The following SCAPER variants were observed in gnomAD, a reference collection of about 807,000 sequenced individuals.
SCAPER encodes S phase cyclin A-associated protein in the endoplasmic reticulum.
In SCAPER, 98 loss-of-function variants were observed where a neutral mutation model predicts 182.2. The observed-to-expected ratio is 0.54, with a 90% CI of 0.46 to 0.64. The LOEUF (loss-of-function observed/expected upper bound fraction) is 0.64, where lower values mean the gene tolerates loss of function less well. Among genes scored for constraint, SCAPER ranks in the 30% least tolerant of loss-of-function variants. The pLI is 0.00. For missense variants in SCAPER, 1,432 were observed against 1,690.0 expected (o/e 0.85, Z 2.68); for synonymous variants, 605 against 564.6 (o/e 1.07, Z -1.01).
chr15:76,839,124 T>C (rs1181454747), intron 5 of SCAPER, among the ~76,000 whole-genome samples: 1 of 152,216 alleles, frequency 6.6e-6, no homozygotes, highest in Non-Finnish European at 1.5e-5. Flanking sequence ...GTATCTTCTT[T>C]TGATTACAAA....
At position 76,665,762 on chromosome 15, in the gene SCAPER, T is replaced by C. The variant is rs952606204; in HGVS notation, c.2536A>G (p.Ile846Val). The part of the protein sequence containing the change: ...VEHLSLKKYI[I>V]DIVVESTAPA... ...GCTGTACTTTCAACCACAATGTCAA[T>C]AATGTACTTCTTCAAGGAAAGATGC... The change falls in exon 21 of 32, where the codon ATT becomes GTT. Residue 846 changes from isoleucine to valine, a missense_variant. By Grantham distance (29) the Ile-to-Val change is conservative. Coordinates refer to ENST00000563290, the MANE Select transcript of SCAPER (RefSeq NM_020843.4). 1.3e-6 allele frequency: 2 copies of C among 1,539,470 alleles called. No homozygotes were observed. The highest frequency in any genetic ancestry group is 1.4e-5 in the African/African-American group (1 of 72,464).
chr15:76,774,758 T>C, intron 9 of SCAPER, 97 bp downstream of exon 9: 1 of 1,333,452 alleles, frequency 7.5e-7, no homozygotes, highest in Non-Finnish European at 1.0e-6. Context: ...ATTTTCACAG[T>C]AAGTTAAAAA....
chr15:76,406,409 T>C (rs2044834571), intron 26 of SCAPER, among the ~76,000 whole-genome samples: 1 of 151,790 alleles, frequency 6.6e-6, no homozygotes, highest in Non-Finnish European at 1.5e-5. Context: ...ACCCGGGAAG[T>C]CGAAGTTGCA....
chr15:76,756,243 CAAAAAAA>C (rs34158299), intron 14 of SCAPER, among the ~76,000 whole-genome samples: 2 of 66,020 alleles, frequency 3.0e-5, no homozygotes, highest in African/African-American at 1.4e-4. Flanking sequence ...GACTCCGTCT[CAAAAAAA>C]AAAAAAAAAA....
intron 21 of SCAPER, among the ~76,000 whole-genome samples, chr15:76,641,555 G>A (rs371874779): frequency 6.6e-5 from 10 of 152,120 alleles, no homozygotes; most frequent in Admixed American, 2.6e-4. Flanking sequence ...AGAGAGCCCC[G>A]ATGCATTGCG....
In SCAPER at chr15:76,868,134, TG is replaced by T. The variant is rs573250828; in HGVS notation, c.7-5602del. Among the ~76,000 whole-genome samples the T allele has an allele frequency of 6.0e-3, 908 of 152,324 alleles. 5 individuals are homozygous for T. Among genetic ancestry groups the T allele is most frequent in the African/African-American group, 0.021 (874 of 41,564 alleles). On this transcript the variant is annotated intron_variant, in intron 2 of 31. Transcript: ENST00000563290. ...GTGAACAAGAAATAAACTACTAATC[TG>T]TTGGTTCCCCTTCCAGTTATGAAAA...
At chr15:76,518,306 A>G (rs1045329665) in intron 23 of SCAPER, among the ~76,000 whole-genome samples, 33 of 152,156 alleles carry the variant, frequency 2.2e-4, no homozygotes, top group African/African-American at 8.0e-4. Context: ...TTCCAACTTC[A>G]GCAGAGATAC....
chr15:76,534,908 A>G (rs902837136), intron 23 of SCAPER, among the ~76,000 whole-genome samples: 1 of 152,168 alleles, frequency 6.6e-6, no homozygotes, highest in African/African-American at 2.4e-5. Flanking sequence ...TCCTGGGCTA[A>G]GAGCTTAATG....
chr15:76,696,401 C>T (rs992191051), intron 20 of SCAPER, among the ~76,000 whole-genome samples: 4 of 152,250 alleles, frequency 2.6e-5, no homozygotes, highest in Middle Eastern at 3.4e-3. Flanking sequence ...TGGTTGTAAA[C>T]ATCCAATAAA....
chr15:76,592,979 A>G lies in SCAPER; in HGVS notation c.2712-18695T>C, dbSNP rs1402122941. 2.5e-5 allele frequency among the ~76,000 whole-genome samples: 3 copies of G among 117,952 alleles called. 1 individual carries two copies. The highest frequency in any genetic ancestry group is 5.1e-5 in the African/African-American group (2 of 38,954). 77.4% of individuals were successfully genotyped at this position (117,952 alleles called of 152,430 possible). A position where few individuals can be genotyped will look rare whatever the true frequency, so the allele number is the denominator to read the frequency against. On this transcript the variant is annotated intron_variant, in intron 22 of 31. Coordinates refer to ENST00000563290, the MANE Select transcript of SCAPER (RefSeq NM_020843.4). ...GAACACCACCGAGACAGAACCATTC[A>G]TTACCCTGGAAAGGGGGCTGAAGCC...
intron 8 of SCAPER, chr15:76,793,256 T>C: frequency 9.6e-7 from 1 of 1,039,538 alleles, no homozygotes; most frequent in South Asian, 1.4e-5. Flanking sequence ...AAATATATAT[T>C]TGGTCTTCAT....
intron 1 of SCAPER, among the ~76,000 whole-genome samples, chr15:76,898,719 A>G (rs981689294): frequency 6.6e-6 from 1 of 152,318 alleles, no homozygotes; most frequent in East Asian, 1.9e-4. Context: ...AGTAGATGAG[A>G]GGGTGGCTGT....
intron 23 of SCAPER, among the ~76,000 whole-genome samples, chr15:76,564,042 A>C (rs2046844052): frequency 6.6e-6 from 1 of 152,196 alleles, no homozygotes; most frequent in Admixed American, 6.5e-5. Flanking sequence ...ATCTACGACA[A>C]ACCCACAGCC....
At chr15:76,711,980 G>C (rs937081998) in intron 17 of SCAPER, among the ~76,000 whole-genome samples, 7 of 152,088 alleles carry the variant, frequency 4.6e-5, no homozygotes, top group African/African-American at 1.7e-4. Flanking sequence ...TGTTGCCATT[G>C]CTTTTGGTGT....
intron 23 of SCAPER, among the ~76,000 whole-genome samples, chr15:76,566,154 A>T (rs1268182659): frequency 2.6e-5 from 4 of 152,194 alleles, no homozygotes; most frequent in Admixed American, 2.0e-4. Context: ...GAGCCTAGGC[A>T]TGTGTTACAT....
At chr15:76,578,291 G>A (rs891058928) in intron 22 of SCAPER, among the ~76,000 whole-genome samples, 4 of 152,136 alleles carry the variant, frequency 2.6e-5, no homozygotes, top group African/African-American at 7.2e-5. Context: ...TGCACTGAAC[G>A]GAAATACATA....
At chr15:76,412,510 T>G (rs2142231242) in intron 26 of SCAPER, among the ~76,000 whole-genome samples, 1 of 151,900 alleles carries the variant, frequency 6.6e-6, no homozygotes, top group Admixed American at 6.6e-5. Flanking sequence ...AATAGTGTAT[T>G]TTTTTTTCAA....
chr15:76,744,286 G>A (rs191480457), intron 15 of SCAPER, among the ~76,000 whole-genome samples: 103 of 152,176 alleles, frequency 6.8e-4, no homozygotes, highest in South Asian at 2.1e-3. Flanking sequence ...AAGTTGACAA[G>A]TAGGGCCTAA....
intron 24 of SCAPER, among the ~76,000 whole-genome samples, chr15:76,494,158 T>C (rs1597012402): frequency 6.6e-6 from 1 of 152,220 alleles, no homozygotes; most frequent in East Asian, 1.9e-4. Context: ...TCCAGTTCCA[T>C]GTCTTCATCT....
Sources: allele counts gnomAD v4.1 joint callset (sites outside exome capture counted in the v4.1 genomes callset), GRCh38; gene constraint gnomAD v4.1.1; transcripts MANE v1.5; gene names NCBI Gene and HGNC (gene_info 2026-07-23, HGNC 2026-07-21).